ART3: variants seen among roughly 807,000 people sequenced by gnomAD.
The protein encoded by ART3 is ADP-ribosyltransferase 3 (inactive), also known as ecto-ADP-ribosyltransferase 3.
In ART3, 49 loss-of-function variants were observed where a neutral mutation model predicts 48.5. That is an observed-to-expected ratio of 1.01 (90% CI 0.80 to 1.28). The LOEUF (loss-of-function observed/expected upper bound fraction) is 1.28. ART3 is among the 50% of genes most tolerant of loss of function. ART3 has a pLI of 0.00. For synonymous variants in ART3, 145 were observed against 157.2 expected (o/e 0.92, Z 0.58); for missense variants, 438 against 454.3 (o/e 0.96, Z 0.33).
chr4:76,087,506 CA>C (rs906779829), intron 3 of ART3, among the ~76,000 whole-genome samples: 8 of 152,024 alleles, frequency 5.3e-5, no homozygotes, highest in African/African-American at 1.9e-4. Flanking sequence ...AATCTTGTTC[CA>C]TTGTGACTGG....
Position 76,082,355 on chromosome 4 carries a change from T to TTATC in ART3, c.602_605dup (p.Tyr204HisfsTer8). 6.2e-7 allele frequency: 1 copy of TTATC among 1,613,740 alleles called. No individual in the cohort carries two copies. The highest frequency in any genetic ancestry group is 8.5e-7 in the Non-Finnish European group (1 of 1,179,900). ...GGCTGCTAATGACCAGCTCACTGTG[T>TTATC]TATCCATCTACACATGCCTTGGAGT... On this transcript the variant is annotated frameshift_variant, in exon 3 of 12. Transcript: ENST00000355810. LOFTEE classifies it high-confidence loss of function.
intron 4 of ART3, 152 bp downstream of exon 4, chr4:76,097,828 C>T (rs1726357416): frequency 3.1e-6 from 2 of 655,584 alleles, no homozygotes; most frequent in Non-Finnish European, 5.2e-6. Context: ...AGTACCTTTT[C>T]AGGTGGAGAG....
At chr4:76,081,794 C>G (rs201412126) in intron 2 of ART3, 30 bp from the exon 3 acceptor site, 965 of 1,569,052 alleles carry the variant, frequency 6.2e-4, no homozygotes, top group Non-Finnish European at 7.1e-4. Flanking sequence ...TTTCTTATTT[C>G]AAGAGTATTA....
intron 1 of ART3, chr4:76,034,185 A>G (rs75654414): frequency 0.023 from 7,992 of 354,850 alleles, 582 homozygotes; most frequent in African/African-American, 0.15. Flanking sequence ...GTCTCCCTAC[A>G]TATTGATGTG....
chr4:76,043,537 C>T lies in ART3; in HGVS notation c.-10+32217C>T, dbSNP rs909381754. Among the ~76,000 whole-genome samples, 11 of 152,248 alleles carry T rather than the reference C, an allele frequency of 7.2e-5. No individual in the cohort carries two copies. In the East Asian group the frequency reaches 1.5e-3, roughly 21 times the overall value. On this transcript the variant is annotated intron_variant, in intron 1 of 9. Coordinates refer to the ART3 transcript ENST00000341029. ...CGCAGCTGCTGGCCTGGGTGCTAAG[C>T]CCCTCATTGCCCGGGGCCGGCAGGG...
In ART3 at chr4:76,112,758, A is replaced by C; in HGVS notation, c.*239A>C. On this transcript the variant is annotated 3_prime_UTR_variant, in exon 12 of 12. Transcript: ENST00000355810. The stretch of plus-strand genomic sequence containing the variant: ...AAATCCCGAAAACTGTATACTTCTG[A>C]TTAAATTCAATAAAAGATTTTGATT... The C allele has an allele frequency of 2.8e-6, 1 of 356,268 alleles. No individual in the cohort carries two copies. The highest frequency in any genetic ancestry group is 5.0e-6 in the Non-Finnish European group (1 of 200,900). 22.1% of individuals were successfully genotyped at this position (356,268 alleles called of 1,614,324 possible).
At chr4:76,022,250 G>A (rs1732908720) in intron 1 of ART3, 1 of 826,568 alleles carries the variant, frequency 1.2e-6, no homozygotes, top group African/African-American at 1.7e-5. Flanking sequence ...GGAGGGCGTG[G>A]TGGTAACATA....
At chr4:76,100,388 T>C in intron 6 of ART3, 68 bp downstream of exon 6, 2 of 1,498,842 alleles carry the variant, frequency 1.3e-6, no homozygotes, top group Non-Finnish European at 1.8e-6. Context: ...ATCCCAGCAC[T>C]TTGGGAGGCC....
chr4:76,036,818 T>G (rs1734461198), intron 1 of ART3: 1 of 246,202 alleles, frequency 4.1e-6, no homozygotes, highest in African/African-American at 2.3e-5. Context: ...TGCCTTCTCT[T>G]GGTGCAGATG....
At chr4:76,050,236 C>T (rs7376943) in intron 1 of ART3, among the ~76,000 whole-genome samples, 88,640 of 151,628 alleles carry the variant, frequency 0.58, 26,744 homozygotes, top group East Asian at 0.93. Flanking sequence ...TGCTTTTATT[C>T]TCTTATCTGG....
In ART3 at chr4:76,112,554, T is replaced by TGG. The variant is rs1729690888; in HGVS notation, c.*36_*37insGG. ...TTGTTTATCTTTCTTATTCTTTACT[T>TGG]GAAATAACTATAGGGATCCACAGGA... On this transcript the variant is annotated 3_prime_UTR_variant, in exon 12 of 12. Coordinates refer to ENST00000355810, the MANE Select transcript of ART3 (RefSeq NM_001130016.3). 1 of 1,590,988 alleles carries TGG rather than the reference T, an allele frequency of 6.3e-7. No homozygotes were observed. Among genetic ancestry groups the TGG allele is most frequent in the African/African-American group, 1.3e-5 (1 of 74,106 alleles).
chr4:76,079,966 T>C (rs1722101315), intron 2 of ART3, among the ~76,000 whole-genome samples: 1 of 151,902 alleles, frequency 6.6e-6, no homozygotes, highest in Non-Finnish European at 1.5e-5. Context: ...TAAGTATCAT[T>C]CACATAGAAC....
chr4:76,024,858 G>A (rs552852395), intron 1 of ART3, among the ~76,000 whole-genome samples: 1 of 152,318 alleles, frequency 6.6e-6, no homozygotes, highest in East Asian at 1.9e-4. Flanking sequence ...GGCAGATACT[G>A]TCTCAGAACC....
At chr4:76,025,721 G>T (rs1733318180) in intron 1 of ART3, among the ~76,000 whole-genome samples, 1 of 152,118 alleles carries the variant, frequency 6.6e-6, no homozygotes, top group African/African-American at 2.4e-5. Flanking sequence ...CGATGTAGTT[G>T]CATGAATTAG....
rs567039545 is a variant in ART3 at position 76,023,480 on chromosome 4, G to A, written c.-10+12160G>A. On this transcript the variant is annotated intron_variant, in intron 1 of 9. Transcript: ENST00000341029. ...TGCTGTAGGCTCAGAATATGTCTAA[G>A]CAATTGAGGAATGTCTCAGAAAACG... is the stretch of plus-strand genomic sequence containing the variant. 1.6e-5 allele frequency: 25 copies of A among 1,528,038 alleles called. No homozygotes were observed. The South Asian group carries it at 2.6e-4, about 16-fold the overall frequency. 94.7% of individuals were successfully genotyped at this position (1,528,038 alleles called of 1,614,324 possible).
chr4:76,089,252 A>G (rs1453203333), intron 3 of ART3, among the ~76,000 whole-genome samples: 1 of 152,140 alleles, frequency 6.6e-6, no homozygotes, highest in East Asian at 1.9e-4. Context: ...ACAATTGCTA[A>G]AAAGACCTAC....
chr4:76,025,430 G>A (rs991970742), intron 1 of ART3, among the ~76,000 whole-genome samples: 9 of 152,112 alleles, frequency 5.9e-5, no homozygotes, highest in African/African-American at 2.2e-4. Flanking sequence ...CTTGATAAAT[G>A]GACTAAAAAT....
intron 1 of ART3, among the ~76,000 whole-genome samples, chr4:76,064,435 T>C (rs1033506470): frequency 6.6e-6 from 1 of 152,218 alleles, no homozygotes; most frequent in Non-Finnish European, 1.5e-5. Flanking sequence ...GTTTTGAGTG[T>C]GAATAGTGAT....
intron 1 of ART3, among the ~76,000 whole-genome samples, chr4:76,029,968 T>C (rs1045578455): frequency 2.0e-5 from 3 of 152,218 alleles, no homozygotes; most frequent in Non-Finnish European, 4.4e-5. Context: ...CTTTCAGACC[T>C]CAGAAGTTCA....
Sources: gnomAD v4.1 joint callset for allele counts (sites outside exome capture counted in the v4.1 genomes callset) on GRCh38, gnomAD v4.1.1 for gene constraint, MANE v1.5 for transcripts, NCBI Gene and HGNC (gene_info 2026-07-23, HGNC 2026-07-21) for gene names.